The following LCORL variants were observed in gnomAD, a reference collection of about 807,000 sequenced individuals.
The protein encoded by LCORL is ligand-dependent nuclear receptor corepressor-like protein.
A neutral mutation model predicts 141.8 loss-of-function variants in LCORL; 41 were observed. That is an observed-to-expected ratio of 0.29 (90% CI 0.23 to 0.38). The LOEUF is 0.38. Ranked by LOEUF, LCORL falls within the 10% of genes least tolerant of loss-of-function variation. LCORL has a pLI of 1.00. For missense variants in LCORL, 1,759 were observed against 2,035.0 expected (o/e 0.86, Z 2.61); for synonymous variants, 618 against 694.1 (o/e 0.89, Z 1.72).
At chr4:17,987,639 T>G (rs1296342456) in intron 1 of LCORL, among the ~76,000 whole-genome samples, 1 of 152,196 alleles carries the variant, frequency 6.6e-6, no homozygotes, top group East Asian at 1.9e-4. Flanking sequence ...CAAAGTGGCT[T>G]CACCATTCCT....
At position 17,884,148 on chromosome 4, in the gene LCORL, G is replaced by C. The variant is rs79854690; in HGVS notation, c.776+1920C>G. The C allele has an allele frequency of 3.7e-5, 58 of 1,550,578 alleles. No individual in the cohort carries two copies. In the African/African-American group the frequency reaches 7.5e-4, roughly 20 times the overall value. Reference sequence around the variant, plus strand: ...GGCCCAGAACATTCTATTTTGTTCTGTTTAGGGAGTATATTTTTCAGTTTT... The same window carrying C: ...GGCCCAGAACATTCTATTTTGTTCTCTTTAGGGAGTATATTTTTCAGTTTT... On this transcript the variant is annotated intron_variant, in intron 6 of 7. Coordinates refer to ENST00000635767, the Ensembl canonical transcript of LCORL. This position sits in a 1 kb window ranked among gnomAD's most constrained non-coding sequence, Gnocchi z 4.4.
intron 7 of LCORL, among the ~76,000 whole-genome samples, chr4:17,846,663 A>G (rs1033377665): frequency 1.3e-5 from 2 of 152,190 alleles, no homozygotes; most frequent in Non-Finnish European, 2.9e-5. Flanking sequence ...GATCTCTTCA[A>G]CATTATTCTT....
chr4:17,924,888 C>T (rs1283372659), intron 4 of LCORL, among the ~76,000 whole-genome samples: 4 of 152,288 alleles, frequency 2.6e-5, no homozygotes, highest in East Asian at 3.9e-4. Flanking sequence ...CTCCAGAAGG[C>T]TGTGCATGCT....
At chr4:17,867,310 T>C (rs999734947) in intron 7 of LCORL, among the ~76,000 whole-genome samples, 2 of 152,160 alleles carry the variant, frequency 1.3e-5, no homozygotes, top group African/African-American at 4.8e-5. Context: ...ATTGTAGTGA[T>C]ACGAACAGAG....
chr4:17,901,085 T>A (rs1438151090), intron 5 of LCORL, among the ~76,000 whole-genome samples: 1 of 152,110 alleles, frequency 6.6e-6, no homozygotes, highest in African/African-American at 2.4e-5. Flanking sequence ...AAAAATGTAA[T>A]TGCTACTTGG....
rs982570341 is a variant in LCORL, at chr4:18,019,470, A to C, written c.154+2128T>G. ...TTTCTTTTCACATACGATACAATGT[A>C]ATCACATATTGCAATAAAAGTGTAA... On this transcript the variant is annotated intron_variant, in intron 1 of 7. Transcript: ENST00000635767. 3.3e-5 allele frequency among the ~76,000 whole-genome samples: 5 copies of C among 152,246 alleles called. No individual in the cohort carries two copies. The East Asian group carries it at 9.6e-4, about 29-fold the overall frequency.
intron 1 of LCORL, among the ~76,000 whole-genome samples, chr4:17,997,230 C>T (rs1427632849): frequency 6.6e-6 from 1 of 152,168 alleles, no homozygotes; most frequent in Admixed American, 6.5e-5. Context: ...AATGATGTCT[C>T]AACGCCTTCT....
Position 17,848,739 on chromosome 4 carries a change from C to T in LCORL, c.5603-2838G>A, listed in dbSNP as rs541961990. Among the ~76,000 whole-genome samples the T allele has an allele frequency of 3.3e-5, 5 of 152,282 alleles. No homozygotes were observed. In the East Asian group the frequency reaches 7.7e-4, roughly 24 times the overall value. On this transcript the variant is annotated intron_variant, in intron 7 of 7. Transcript: ENST00000635767. ...AAGCAGGGCGAGGCATTGCCTCACT[C>T]GGGAAGCGCAAGGGGTCAGGGAGTT... is the stretch of plus-strand genomic sequence containing the variant.
At chr4:17,928,866 A>T (rs559309084) in intron 4 of LCORL, among the ~76,000 whole-genome samples, 1 of 152,196 alleles carries the variant, frequency 6.6e-6, no homozygotes, top group Non-Finnish European at 1.5e-5. Flanking sequence ...ATAATCTTGT[A>T]TATTTGCATA....
At chr4:18,013,680 A>G (rs185897988) in intron 1 of LCORL, among the ~76,000 whole-genome samples, 4 of 152,362 alleles carry the variant, frequency 2.6e-5, no homozygotes, top group Admixed American at 2.0e-4. Context: ...CATGAAGACT[A>G]CTGGACAAAA....
chr4:17,912,308 A>C, intron 4 of LCORL: 2 of 676,486 alleles, frequency 3.0e-6, no homozygotes, highest in South Asian at 2.7e-5. Context: ...ACACAGATCG[A>C]GGCTCTCAAA....
rs1725495801 is a variant in LCORL at position 18,021,150 on chromosome 4, T to A, written c.154+448A>T. On this transcript the variant is annotated intron_variant, in intron 1 of 7. Coordinates refer to ENST00000635767, the Ensembl canonical transcript of LCORL. This position sits in a 1 kb window ranked among gnomAD's most constrained non-coding sequence, Gnocchi z 5.5. The stretch of plus-strand genomic sequence containing the variant: ...CCCCCGGCGGCGACAAGGGGGTGTG[T>A]GTGCGCTCGGCGGGGGCGCGGACCA... Among the ~76,000 whole-genome samples, 1 of 151,934 alleles carries A rather than the reference T, an allele frequency of 6.6e-6. No individual in the cohort carries two copies. Among genetic ancestry groups the A allele is most frequent in the Non-Finnish European group, 1.5e-5 (1 of 67,924 alleles).
chr4:17,886,249 T>A, intron 5 of LCORL, 88 bp from the exon 6 acceptor site: 1 of 743,576 alleles, frequency 1.3e-6, no homozygotes, highest in Non-Finnish European at 2.4e-6. Context: ...TTGATCTAAT[T>A]CATAACACTA....
intron 4 of LCORL, among the ~76,000 whole-genome samples, chr4:17,950,578 T>C (rs186416612): frequency 6.6e-6 from 1 of 152,246 alleles, no homozygotes; most frequent in Admixed American, 6.5e-5. Context: ...AAACAATGAA[T>C]GGAGTACGGA....
Position 17,884,624 on chromosome 4 carries a change from C to T in LCORL, c.776+1444G>A. On this transcript the variant is annotated intron_variant, in intron 6 of 7. Coordinates refer to ENST00000635767, the Ensembl canonical transcript of LCORL. This position sits in a 1 kb window ranked among gnomAD's most constrained non-coding sequence, Gnocchi z 4.4. ...AAGAAGTAAAGTTTTTTGAGGTATGCCATAAAGTATGCCTGCTTTATTTAT... is the reference window on the plus strand; with the variant it reads ...AAGAAGTAAAGTTTTTTGAGGTATGTCATAAAGTATGCCTGCTTTATTTAT... The T allele has an allele frequency of 6.5e-7, 1 of 1,547,796 alleles. No homozygotes were observed. Among genetic ancestry groups the T allele is most frequent in the South Asian group, 1.2e-5 (1 of 83,650 alleles).
chr4:17,955,165 C>T (rs561564126), intron 4 of LCORL, among the ~76,000 whole-genome samples: 7 of 152,116 alleles, frequency 4.6e-5, no homozygotes, highest in African/African-American at 1.7e-4. Flanking sequence ...GTGAAAGAAG[C>T]AATCTGTGAG....
At position 17,884,001 on chromosome 4, in the gene LCORL, T is replaced by A; in HGVS notation, c.776+2067A>T. The stretch of plus-strand genomic sequence containing the variant: ...TTTTTCCTGGGCTGCTTACTGTCTT[T>A]TCGATCTAATCCATCTTCAGTATTT... On this transcript the variant is annotated intron_variant, in intron 6 of 7. Coordinates refer to ENST00000635767, the Ensembl canonical transcript of LCORL. The surrounding 1 kb of genome is among the most constrained non-coding windows in gnomAD (Gnocchi z 4.4). 1 of 1,550,892 alleles carries A rather than the reference T, an allele frequency of 6.4e-7. No individual in the cohort carries two copies. The highest frequency in any genetic ancestry group is 8.7e-7 in the Non-Finnish European group (1 of 1,146,414).
chr4:17,917,193 T>G (rs1336648991), intron 4 of LCORL, among the ~76,000 whole-genome samples: 3 of 151,190 alleles, frequency 2.0e-5, no homozygotes, highest in South Asian at 4.2e-4. Context: ...GGCTGAGTTT[T>G]TTTTGTTTTG....
chr4:17,969,515 A>G (rs11933575), intron 2 of LCORL, among the ~76,000 whole-genome samples: 36,930 of 152,078 alleles, frequency 0.24, 5,848 homozygotes, highest in African/African-American at 0.45. Flanking sequence ...GATGAACTTT[A>G]GAATATATTT....
Sources: gnomAD v4.1 joint callset for allele counts (sites outside exome capture counted in the v4.1 genomes callset) on GRCh38, gnomAD v4.1.1 for gene constraint, Gnocchi (gnomAD v3.1) non-coding constraint, MANE v1.5 for transcripts, NCBI Gene and HGNC (gene_info 2026-07-23, HGNC 2026-07-21) for gene names.